GNA12: variants seen among roughly 807,000 people sequenced by gnomAD.
The protein encoded by GNA12 is G protein subunit alpha 12, also known as guanine nucleotide-binding protein subunit alpha-12.
A neutral mutation model predicts 26.0 loss-of-function variants in GNA12; 9 were observed. The observed-to-expected ratio is 0.35, with a 90% CI of 0.21 to 0.60. GNA12 has a LOEUF of 0.60. GNA12 is among the 20% of genes least tolerant of loss of function. The pLI is 0.78. For synonymous variants in GNA12, 264 were observed against 219.6 expected, an observed-to-expected ratio of 1.20 and a Z score of -1.79; for missense variants, 405 against 525.8, an observed-to-expected ratio of 0.77 and a Z score of 2.25.
chr7:2,737,308 A>G (rs1270438610), intron 2 of GNA12, among the ~76,000 whole-genome samples: 1 of 49,396 alleles, frequency 2.0e-5, no homozygotes, highest in Non-Finnish European at 3.3e-5. Flanking sequence ...TTTTTTTTTG[A>G]GATGGAGTCT....
intron 2 of GNA12, among the ~76,000 whole-genome samples, chr7:2,740,801 T>C (rs1168698242): frequency 6.6e-6 from 1 of 152,162 alleles, no homozygotes; most frequent in Non-Finnish European, 1.5e-5. Flanking sequence ...TCCCAGCACT[T>C]TGGGAGGCCG....
chr7:2,759,671 C>T (rs1791466672), intron 2 of GNA12, among the ~76,000 whole-genome samples: 2 of 152,198 alleles, frequency 1.3e-5, no homozygotes, highest in African/African-American at 4.8e-5. Context: ...CACGCTGTGC[C>T]TATTTTTTCA....
intron 2 of GNA12, among the ~76,000 whole-genome samples, chr7:2,780,784 C>T (rs1562424557): frequency 6.6e-6 from 1 of 152,136 alleles, no homozygotes; most frequent in Admixed American, 6.5e-5. Context: ...AATTTACTCA[C>T]CCATTTTACT....
chr7:2,778,626 C>T (rs1792138815), intron 2 of GNA12, among the ~76,000 whole-genome samples: 1 of 152,130 alleles, frequency 6.6e-6, no homozygotes, highest in Admixed American at 6.5e-5. Flanking sequence ...GCTCATAGCC[C>T]ACTGCTGAGC....
At chr7:2,841,447 A>C (rs1778985749) in intron 1 of GNA12, among the ~76,000 whole-genome samples, 1 of 152,216 alleles carries the variant, frequency 6.6e-6, no homozygotes, top group South Asian at 2.1e-4. Flanking sequence ...AGGATCTTTA[A>C]CAGAGAAGTT....
chr7:2,762,803 A>C (rs1791627014), intron 2 of GNA12: 1 of 1,532,640 alleles, frequency 6.5e-7, no homozygotes, highest in South Asian at 1.2e-5. Context: ...AGGAGCACTC[A>C]GGGCGGCCTC....
At chr7:2,784,294 A>G (rs915275279) in intron 2 of GNA12, among the ~76,000 whole-genome samples, 2 of 151,886 alleles carry the variant, frequency 1.3e-5, no homozygotes, top group Non-Finnish European at 2.9e-5. Context: ...ATCTTTTTGT[A>G]TTTTTGGGAG....
intron 1 of GNA12, among the ~76,000 whole-genome samples, chr7:2,818,717 C>T (rs995085058): frequency 4.0e-5 from 6 of 150,554 alleles, no homozygotes; most frequent in Non-Finnish European, 8.9e-5. Context: ...GAGCCGAGAT[C>T]GCGCCACTAC....
chr7:2,734,790 T>C (rs1487264089), intron 2 of GNA12, among the ~76,000 whole-genome samples: 3 of 152,112 alleles, frequency 2.0e-5, no homozygotes, highest in Non-Finnish European at 4.4e-5. Flanking sequence ...CGAGCACACA[T>C]CCTCCTCCTC....
intron 1 of GNA12, among the ~76,000 whole-genome samples, chr7:2,824,907 C>T (rs180888556): frequency 3.3e-5 from 5 of 152,322 alleles, no homozygotes; most frequent in African/African-American, 1.2e-4. Flanking sequence ...GCCAGGTGAC[C>T]ACAGGCACAG....
Position 2,733,305 on chromosome 7 carries a change from C to G in GNA12, c.576+146G>C, listed in dbSNP as rs558388698. On this transcript the variant is annotated intron_variant, in intron 3 of 3. Coordinates refer to ENST00000275364, the MANE Select transcript of GNA12 (RefSeq NM_007353.3). Reference sequence around the variant, plus strand: ...GGGCCCAGATCCAAGTGAGAGCGTGCCATTACAGTACTATTCGTGGTAATG... The same window carrying G: ...GGGCCCAGATCCAAGTGAGAGCGTGGCATTACAGTACTATTCGTGGTAATG... 7.3e-6 allele frequency: 5 copies of G among 689,568 alleles called. No homozygotes were observed. In the South Asian group the frequency reaches 8.5e-5, roughly 12 times the overall value. The allele number at this position is 689,568 out of a possible 1,614,324, so 42.7% of individuals were successfully genotyped here.
At chr7:2,843,628 C>T (rs1213081253) in intron 1 of GNA12, among the ~76,000 whole-genome samples, 1 of 151,602 alleles carries the variant, frequency 6.6e-6, no homozygotes, top group African/African-American at 2.4e-5. Flanking sequence ...GCCTGGGAAA[C>T]ACAGCGAGAC....
intron 2 of GNA12, among the ~76,000 whole-genome samples, chr7:2,742,023 T>C (rs777030179): frequency 2.2e-4 from 33 of 151,918 alleles, no homozygotes; most frequent in Non-Finnish European, 4.3e-4. Context: ...TGAATTTTTT[T>C]ATTTTTTTAT....
chr7:2,763,038 C>G (rs551399367), intron 2 of GNA12: 7 of 1,250,920 alleles, frequency 5.6e-6, no homozygotes, highest in Admixed American at 8.4e-5. Context: ...CAGGACTCAG[C>G]GTGCCGTTCC....
intron 2 of GNA12, among the ~76,000 whole-genome samples, chr7:2,743,431 C>A (rs535770153): frequency 2.0e-5 from 3 of 152,296 alleles, no homozygotes; most frequent in South Asian, 4.1e-4. Context: ...AAGTTATCAA[C>A]TCAAATATCC....
intron 2 of GNA12, among the ~76,000 whole-genome samples, chr7:2,757,129 C>CTTTTTTTTTTTTTTTTTTTT (rs71026549): frequency 1.1e-5 from 1 of 94,004 alleles, no homozygotes; most frequent in African/African-American, 4.3e-5. Context: ...TCAGGTGGGC[C>CTTTTTTTTTTTTTTTTTTTT]TTTTTTTTTT....
chr7:2,772,948 A>T (rs208341), intron 2 of GNA12, among the ~76,000 whole-genome samples: 135,206 of 152,342 alleles, frequency 0.89, 60,178 homozygotes, highest in East Asian at 1. Context: ...GAAGGCTATA[A>T]AGAAAAAAGA....
At chr7:2,768,102 G>A (rs754750213) in intron 2 of GNA12, among the ~76,000 whole-genome samples, 1 of 152,162 alleles carries the variant, frequency 6.6e-6, no homozygotes, top group African/African-American at 2.4e-5. Flanking sequence ...TTATCCACCT[G>A]CCTTGGCCTC....
At chr7:2,737,289 G>GTTTTTTTTTTTTTTTTTTTTTTTT (rs11389467) in intron 2 of GNA12, among the ~76,000 whole-genome samples, 1 of 62,276 alleles carries the variant, frequency 1.6e-5, no homozygotes, top group Non-Finnish European at 3.2e-5. Context: ...TTTTTTTTTT[G>GTTTTTTTTTTTTTTTTTTTTTTTT]TTTTTTTTTT....
Sources: gnomAD v4.1 joint callset for allele counts (sites outside exome capture counted in the v4.1 genomes callset) on GRCh38, gnomAD v4.1.1 for gene constraint, MANE v1.5 for transcripts, NCBI Gene and HGNC (gene_info 2026-07-23, HGNC 2026-07-21) for gene names.